GAA: variants seen among roughly 807,000 people sequenced by gnomAD.
GAA encodes alpha glucosidase.
GAA carries 88 observed loss-of-function variants against 103.9 expected under a neutral mutation model. The ratio of observed to expected loss-of-function variants is 0.85; its 90% CI spans 0.71 to 1.01. The LOEUF is 1.01. Ranked by LOEUF, GAA falls within the 50% of genes least tolerant of loss-of-function variation. The pLI is 0.00. For missense variants in GAA, 1,350 were observed against 1,305.3 expected (o/e 1.03, Z -0.53); for synonymous variants, 572 against 563.1 (o/e 1.02, Z -0.22).
Position 80,110,789 on chromosome 17 carries a change from G to C in GAA, c.1500G>C (p.Glu500Asp). ...ACCCCACAGCCCTGGCCTGGTGGGA[G>C]GACATGGTGGCTGAGTTCCATGACC... is the stretch of plus-strand genomic sequence containing the variant. ...FTNPTALAWW[E>D]DMVAEFHDQV... Residue 500 changes from glutamate to aspartate, a missense_variant, in exon 10 of 20, where the codon GAG becomes GAC. Physicochemically the swap from Glu to Asp is conservative, Grantham distance 45 (BLOSUM62 2). Coordinates refer to ENST00000302262, the MANE Select transcript of GAA (RefSeq NM_000152.5). The C allele has an allele frequency of 1.2e-6, 2 of 1,614,152 alleles. No homozygotes were observed. The highest frequency in any genetic ancestry group is 1.7e-6 in the Non-Finnish European group (2 of 1,180,010).
chr17:80,111,148 G>A (rs2039229351), intron 11 of GAA, 123 bp downstream of exon 11: 3 of 940,074 alleles, frequency 3.2e-6, no homozygotes, highest in Non-Finnish European at 4.9e-6. Flanking sequence ...GGGGCGGGGG[G>A]GGGATCCCCA....
Position 80,114,091 on chromosome 17 carries a change from A to G in GAA, c.2189+725A>G, listed in dbSNP as rs1333278925. On this transcript the variant is annotated intron_variant, in intron 15 of 19. Transcript: ENST00000302262. ...TCTGGGGAAAGGTTTCATTTAGAGA[A>G]AAAAAAAAAAAAAAGGTGAACTTTA... Among the ~76,000 whole-genome samples, 7 of 134,980 alleles carry G rather than the reference A, an allele frequency of 5.2e-5. No individual in the cohort carries two copies. The South Asian group carries it at 1.5e-3, about 28-fold the overall frequency. The allele number at this position is 134,980 out of a possible 152,430, so 88.6% of individuals were successfully genotyped here.
At chr17:80,110,878 TG>T in intron 10 of GAA, 38 bp downstream of exon 10, 1 of 1,613,338 alleles carries the variant, frequency 6.2e-7, no homozygotes, top group East Asian at 2.2e-5. Context: ...CCAAGGCCTC[TG>T]GGGACTACCC....
At chr17:80,117,195 G>A in intron 16 of GAA, 86 bp downstream of exon 16, 1 of 1,469,874 alleles carries the variant, frequency 6.8e-7, no homozygotes, top group African/African-American at 1.4e-5. Context: ...GGTGTGACCA[G>A]GTGGCGGAAA....
At chr17:80,118,581 G>A (rs2039411739) in intron 18 of GAA, 72 bp from the exon 19 acceptor site, 15 of 1,571,052 alleles carry the variant, frequency 9.5e-6, no homozygotes, top group Admixed American at 3.3e-5. Context: ...TGTTCTCATG[G>A]GTGTTCCTGC....
chr17:80,118,852 T>G (rs2143935295), intron 19 of GAA, 47 bp downstream of exon 19: 1 of 1,605,900 alleles, frequency 6.2e-7, no homozygotes, highest in East Asian at 2.2e-5. Flanking sequence ...CCAGCCGTGG[T>G]GCAGGGGGCA....
rs2039401013 is a variant in GAA at position 80,118,177 on chromosome 17, G to A, written c.2482-16G>A. 21 of 1,612,666 alleles carry A rather than the reference G, an allele frequency of 1.3e-5. No individual in the cohort carries two copies. The highest frequency in any genetic ancestry group is 1.4e-5 in the Non-Finnish European group (17 of 1,179,730). On this transcript the variant is annotated splice_polypyrimidine_tract_variant and intron_variant, in intron 17 of 19. Transcript: ENST00000302262. ...CAGGGTGGGGATGATGACATCACGT[G>A]TCCTTCCCTTTCCAGGGCCCTGGCC...
chr17:80,113,003 G>A lies in GAA; in HGVS notation c.2016G>A (p.Arg672=). The change falls in exon 14 of 20, where the codon CGG becomes CGA. Residue 672 remains arginine, a synonymous_variant. Transcript: ENST00000302262. ...TQLGAFYPFM[R]NHNSLLSLPQ... ...TGGGGGCCTTCTACCCCTTCATGCG[G>A]AACCACAACAGCCTGCTCAGTCTGG... is the stretch of plus-strand genomic sequence containing the variant. 6.2e-7 allele frequency: 1 copy of A among 1,610,918 alleles called. No individual in the cohort carries two copies. Among genetic ancestry groups the A allele is most frequent in the Non-Finnish European group, 8.5e-7 (1 of 1,179,242 alleles).
chr17:80,111,955 C>T (rs371457107), intron 11 of GAA, 28 bp from the exon 12 acceptor site: 3 of 1,599,010 alleles, frequency 1.9e-6, no homozygotes, highest in African/African-American at 2.7e-5. Context: ...GAGGAAGCTC[C>T]CTGGAAACCA....
At position 80,105,428 on chromosome 17, in the gene GAA, T is replaced by C. The variant is rs564864331; in HGVS notation, c.546+296T>C. Among the ~76,000 whole-genome samples the C allele has an allele frequency of 5.9e-4, 90 of 152,346 alleles. 1 individual carries two copies. The highest frequency in any genetic ancestry group is 2.5e-3 in the South Asian group (12 of 4,832). Reference sequence around the variant, plus strand: ...AAACAGGATGCCCAGTAAACCCGAATTGCAGATACCCCAGGCATGACTTTG... The same window carrying C: ...AAACAGGATGCCCAGTAAACCCGAACTGCAGATACCCCAGGCATGACTTTG... On this transcript the variant is annotated intron_variant, in intron 2 of 19. Transcript: ENST00000302262.
At chr17:80,113,441 C>T in intron 15 of GAA, 75 bp downstream of exon 15, 1 of 1,365,454 alleles carries the variant, frequency 7.3e-7, no homozygotes, top group Non-Finnish European at 9.8e-7. Context: ...GCAGCCCTGT[C>T]CTGCTGTGGG....
Position 80,119,402 on chromosome 17 carries a change from G to A in GAA, c.*71G>A, listed in dbSNP as rs1434772081. ...GGGAAGCAGAGCCTGTGTGCGGGCA[G>A]CAGCTGTGTGCGGGCCTGGGGGTTG... On this transcript the variant is annotated 3_prime_UTR_variant, in exon 20 of 20. Coordinates refer to ENST00000302262, the MANE Select transcript of GAA (RefSeq NM_000152.5). The A allele has an allele frequency of 3.0e-6, 4 of 1,330,988 alleles. No individual in the cohort carries two copies. The highest frequency in any genetic ancestry group is 3.4e-5 in the Admixed American group (2 of 59,464). 82.4% of individuals were successfully genotyped at this position (1,330,988 alleles called of 1,614,324 possible). A position where few individuals can be genotyped will look rare whatever the true frequency, so the allele number is the denominator to read the frequency against.
intron 11 of GAA, 71 bp from the exon 12 acceptor site, chr17:80,111,912 G>C (rs1405051179): frequency 3.8e-6 from 5 of 1,302,020 alleles, no homozygotes; most frequent in African/African-American, 1.4e-5. Flanking sequence ...CCTGGGAGGT[G>C]GGGGGCAGGG....
chr17:80,111,133 G>A, intron 11 of GAA, 108 bp downstream of exon 11: 2 of 1,011,084 alleles, frequency 2.0e-6, no homozygotes, highest in Non-Finnish European at 2.9e-6. Flanking sequence ...GGGCCAGCGG[G>A]GAAAGGGGCG....
chr17:80,102,205 T>C (rs1385459988), intron 1 of GAA: 1 of 152,360 alleles, frequency 6.6e-6, no homozygotes, highest in Admixed American at 6.5e-5. Flanking sequence ...TGGGTCTGAA[T>C]CCCTGGGGTG....
chr17:80,109,712 AAAG>A (rs2039183652), intron 8 of GAA, among the ~76,000 whole-genome samples: 1 of 20,132 alleles, frequency 5.0e-5, no homozygotes, highest in African/African-American at 1.1e-4. Context: ...AAGAAAAGGT[AAAG>A]GTAAAGCTTC....
intron 12 of GAA, 122 bp downstream of exon 12, chr17:80,112,222 CG>C: frequency 1.0e-6 from 1 of 978,028 alleles, no homozygotes; most frequent in Non-Finnish European, 1.6e-6. Flanking sequence ...GGCCCGCTGG[CG>C]GCCCGAGTGC....
rs753287841 is a variant in GAA, at chr17:80,104,802, C to T, written c.216C>T (p.Pro72=). ...RPGPRDAQAH[P]GRPRAVPTQC... ...GGCCCCGGGATGCCCAGGCACACCCCGGCCGTCCCAGAGCAGTGCCCACAC... is the reference window on the plus strand; with the variant it reads ...GGCCCCGGGATGCCCAGGCACACCCTGGCCGTCCCAGAGCAGTGCCCACAC... Residue 72 remains proline (P), a synonymous_variant, in exon 2 of 20, where the codon CCC becomes CCT. Coordinates refer to ENST00000302262, the MANE Select transcript of GAA (RefSeq NM_000152.5). This position sits in a 1 kb window ranked among gnomAD's most constrained non-coding sequence, Gnocchi z 4.0. 8.7e-6 allele frequency: 14 copies of T among 1,611,938 alleles called. No individual in the cohort carries two copies. The highest frequency in any genetic ancestry group is 1.1e-5 in the Non-Finnish European group (13 of 1,179,604).
intron 9 of GAA, 139 bp downstream of exon 9, chr17:80,110,194 G>A (rs2039198969): frequency 3.0e-6 from 2 of 676,080 alleles, no homozygotes; most frequent in Non-Finnish European, 5.2e-6. Flanking sequence ...GGCCACAGTG[G>A]CCCGTGACGA....
Sources: allele counts gnomAD v4.1 joint callset (sites outside exome capture counted in the v4.1 genomes callset), GRCh38; gene constraint gnomAD v4.1.1; non-coding constraint Gnocchi (gnomAD v3.1); transcripts MANE v1.5; gene names NCBI Gene and HGNC (gene_info 2026-07-23, HGNC 2026-07-21).